The following TMEM232 variants were observed in gnomAD, a reference collection of about 807,000 sequenced individuals.
TMEM232 encodes the protein transmembrane protein 232.
TMEM232 carries 80 observed loss-of-function variants against 78.8 expected under a neutral mutation model. That is an observed-to-expected ratio of 1.01 (90% CI 0.85 to 1.22). The LOEUF (loss-of-function observed/expected upper bound fraction) is 1.22. Ranked by LOEUF, TMEM232 falls within the 50% of genes most tolerant of loss-of-function variation. TMEM232 has a pLI of 0.00. For synonymous variants in TMEM232, 297 were observed against 254.3 expected (o/e 1.17, Z -1.60); for missense variants, 881 against 742.2 (o/e 1.19, Z -2.17).
intron 1 of TMEM232, among the ~76,000 whole-genome samples, chr5:110,684,427 T>C (rs1443629412): frequency 6.6e-6 from 1 of 152,086 alleles, no homozygotes; most frequent in Non-Finnish European, 1.5e-5. Flanking sequence ...TTTTGGCTCC[T>C]GTCTCTAAAA....
At chr5:110,662,779 AT>A (rs1372866162) in intron 2 of TMEM232, among the ~76,000 whole-genome samples, 3 of 152,170 alleles carry the variant, frequency 2.0e-5, no homozygotes, top group Admixed American at 1.3e-4. Context: ...GAGTATGCAC[AT>A]TTTAAAAAGA....
chr5:110,734,690 T>C (rs962754427), intron 2 of TMEM232, among the ~76,000 whole-genome samples: 24 of 152,218 alleles, frequency 1.6e-4, no homozygotes, highest in African/African-American at 5.1e-4. Context: ...ATTAAGTGTG[T>C]AGATGTTAAA....
chr5:110,472,683 G>A (rs1004193670), intron 12 of TMEM232, among the ~76,000 whole-genome samples: 1 of 151,752 alleles, frequency 6.6e-6, no homozygotes, highest in Non-Finnish European at 1.5e-5. Context: ...ATACTACAAA[G>A]CTATAATAAC....
intron 2 of TMEM232, among the ~76,000 whole-genome samples, chr5:110,413,558 T>G (rs1237942879): frequency 6.6e-6 from 1 of 152,194 alleles, no homozygotes; most frequent in Non-Finnish European, 1.5e-5. Flanking sequence ...GCTTCCCTTG[T>G]TGCATAATCT....
At chr5:110,534,194 A>G (rs1561645374) in intron 11 of TMEM232, among the ~76,000 whole-genome samples, 1 of 152,194 alleles carries the variant, frequency 6.6e-6, no homozygotes, top group Non-Finnish European at 1.5e-5. Context: ...TCTGTCAGAC[A>G]TAATTCCTCA....
At chr5:110,695,468 G>C (rs983144524) in intron 1 of TMEM232, among the ~76,000 whole-genome samples, 2 of 152,066 alleles carry the variant, frequency 1.3e-5, no homozygotes, top group African/African-American at 4.8e-5. Flanking sequence ...AGAACTGAAG[G>C]GAATAGAGAC....
At chr5:110,549,605 C>CAA (rs1209595068) in intron 11 of TMEM232, among the ~76,000 whole-genome samples, 523 of 44,418 alleles carry the variant, frequency 0.012, 1 homozygote, top group Non-Finnish European at 0.018. Flanking sequence ...GTCCCTGTCT[C>CAA]AAAAAAAAAA....
intron 3 of TMEM232, among the ~76,000 whole-genome samples, chr5:110,397,169 T>C (rs1453929194): frequency 4.6e-5 from 7 of 152,162 alleles, no homozygotes; most frequent in Non-Finnish European, 8.8e-5. Context: ...TTAAACCTCC[T>C]ATGAAGTAGC....
chr5:110,403,597 G>A (rs952484964), intron 2 of TMEM232, among the ~76,000 whole-genome samples: 4 of 152,050 alleles, frequency 2.6e-5, no homozygotes, highest in African/African-American at 9.7e-5. Context: ...GCAAAGATTT[G>A]TTAGAAGCAG....
intron 11 of TMEM232, among the ~76,000 whole-genome samples, chr5:110,558,044 T>C (rs1237225645): frequency 6.6e-6 from 1 of 152,186 alleles, no homozygotes; most frequent in Non-Finnish European, 1.5e-5. Flanking sequence ...TGTTTCTGAA[T>C]TATTTCAGGT....
chr5:110,405,125 T>C (rs1755736806), intron 2 of TMEM232, among the ~76,000 whole-genome samples: 1 of 152,078 alleles, frequency 6.6e-6, no homozygotes. Flanking sequence ...AAATTGCATC[T>C]CAACTTTCTC....
chr5:110,640,034 G>A (rs1038525722), intron 4 of TMEM232, among the ~76,000 whole-genome samples: 2 of 152,182 alleles, frequency 1.3e-5, no homozygotes, highest in African/African-American at 4.8e-5. Flanking sequence ...CCCTCGGGTT[G>A]GGCAAGGGCC....
Position 110,528,699 on chromosome 5 carries a change from A to G in TMEM232, c.1592T>C (p.Ile531Thr). The G allele has an allele frequency of 6.5e-7, 1 of 1,535,178 alleles. No homozygotes were observed. The highest frequency in any genetic ancestry group is 1.4e-5 in the African/African-American group (1 of 73,130). The change falls in exon 12 of 14, where the codon ATT (isoleucine) becomes ACT (threonine). Residue 531 changes from isoleucine (I) to threonine (T), a missense_variant. Ile to Thr is a moderately conservative substitution (Grantham distance 89). Transcript: ENST00000455884. ...NTLSKLFFPP[I>T]EAHFLPLKKP... is the part of the protein sequence containing the mutation. ...CTTCAAAGGAAGAAAATGGGCCTCAATGGGGGGAAAGAATAGTTTGGAAAG... is the reference window on the plus strand; with the variant it reads ...CTTCAAAGGAAGAAAATGGGCCTCAGTGGGGGGAAAGAATAGTTTGGAAAG...
chr5:110,698,994 T>C (rs1204228820), intron 1 of TMEM232, among the ~76,000 whole-genome samples: 1 of 152,046 alleles, frequency 6.6e-6, no homozygotes, highest in African/African-American at 2.4e-5. Context: ...TTAGAGGTGT[T>C]GGAAGGGGAT....
chr5:110,414,441 ATCTC>A (rs569723116), intron 2 of TMEM232, among the ~76,000 whole-genome samples: 227 of 152,318 alleles, frequency 1.5e-3, no homozygotes, highest in Non-Finnish European at 2.8e-3. Context: ...CTCTAATTCT[ATCTC>A]TATCTATATG....
chr5:110,578,541 TG>T, intron 10 of TMEM232, among the ~76,000 whole-genome samples: 2 of 152,054 alleles, frequency 1.3e-5, no homozygotes, highest in East Asian at 3.9e-4. Context: ...TCTAGTCCAG[TG>T]AAAATTTGTT....
intron 1 of TMEM232, among the ~76,000 whole-genome samples, chr5:110,724,764 C>T (rs1360165222): frequency 6.6e-6 from 1 of 152,104 alleles, no homozygotes; most frequent in Non-Finnish European, 1.5e-5. Context: ...GAAAGGAACT[C>T]TAAAAAAGAA....
At chr5:110,481,195 C>T (rs1763820458) in intron 12 of TMEM232, among the ~76,000 whole-genome samples, 1 of 152,076 alleles carries the variant, frequency 6.6e-6, no homozygotes, top group Non-Finnish European at 1.5e-5. Context: ...TTTCTCTAAA[C>T]ATTCATTATG....
rs1252703484 is a variant in TMEM232, at chr5:110,642,296, C to T, written c.201G>A (p.Leu67=). The T allele has an allele frequency of 1.3e-6, 2 of 1,538,784 alleles. No homozygotes were observed. The highest frequency in any genetic ancestry group is 1.8e-6 in the Non-Finnish European group (2 of 1,142,426). The change falls in exon 3 of 14, where the codon TTG becomes TTA. Residue 67 remains leucine, a synonymous_variant. Transcript: ENST00000455884. Reference sequence around the variant, plus strand: ...GAATGATTTTTCTAGCTAGTTCCAACAATTCTTCCTTCTCTTTGGAATTTT... The same window carrying T: ...GAATGATTTTTCTAGCTAGTTCCAATAATTCTTCCTTCTCTTTGGAATTTT... ...QTQNSKEKEE[L]LELARKIILR...
Sources: gnomAD v4.1 joint callset for allele counts (sites outside exome capture counted in the v4.1 genomes callset) on GRCh38, gnomAD v4.1.1 for gene constraint, MANE v1.5 for transcripts, NCBI Gene and HGNC (gene_info 2026-07-23, HGNC 2026-07-21) for gene names.